Variants in DAPK1 observed in about 807,000 individuals in gnomAD.
DAPK1 encodes the protein death-associated protein kinase 1.
A neutral mutation model predicts 144.9 loss-of-function variants in DAPK1; 56 were observed. The observed-to-expected ratio is 0.39, with a 90% CI of 0.31 to 0.48. The LOEUF is 0.48. DAPK1 is among the 20% of genes least tolerant of loss of function. The pLI, the probability that DAPK1 is intolerant of heterozygous loss-of-function variation, is 0.95. For missense variants in DAPK1, 1,454 were observed against 1,875.4 expected, an observed-to-expected ratio of 0.78 and a Z score of 4.15; for synonymous variants, 690 against 749.0, an observed-to-expected ratio of 0.92 and a Z score of 1.29.
rs923107194 is a variant in DAPK1, at chr9:87,651,848, G to A, written c.1824+124G>A. On this transcript the variant is annotated intron_variant, in intron 17 of 25. Coordinates refer to ENST00000408954, the MANE Select transcript of DAPK1 (RefSeq NM_004938.4). ...ATTCTGTGTCCTCCCACCTGATCCC[G>A]GGTCCTGATTCTGTGTCCTCCCACC... The A allele has an allele frequency of 1.0e-3, 726 of 716,258 alleles. 4 individuals are homozygous for A. The African/African-American group carries it at 0.012, about 11-fold the overall frequency. The allele number at this position is 716,258 out of a possible 1,614,324, so 44.4% of individuals were successfully genotyped here.
In DAPK1 at chr9:87,706,702, C is replaced by T. The variant is rs779034884; in HGVS notation, c.3631C>T (p.Leu1211=). Residue 1211 remains leucine, a synonymous_variant, in exon 26 of 26, where the codon CTG becomes TTG. Coordinates refer to ENST00000408954, the MANE Select transcript of DAPK1 (RefSeq NM_004938.4). The surrounding 1 kb of genome is among the most constrained non-coding windows in gnomAD (Gnocchi z 9.0). ...LETEKIKCCL[L]LDSVCSTIEN... ...GACGGAGAAGATCAAGTGCTGCCTG[C>T]TGCTGGACTCGGTGTGCAGCACCAT... 1 of 1,611,972 alleles carries T rather than the reference C, an allele frequency of 6.2e-7. No individual in the cohort carries two copies. Among genetic ancestry groups the T allele is most frequent in the African/African-American group, 1.3e-5 (1 of 74,898 alleles).
chr9:87,611,351 A>G lies in DAPK1; in HGVS notation c.284+6176A>G, dbSNP rs529467021. Among the ~76,000 whole-genome samples, 17 of 152,186 alleles carry G rather than the reference A, an allele frequency of 1.1e-4. No individual in the cohort carries two copies. The East Asian group carries it at 1.9e-3, about 17-fold the overall frequency. On this transcript the variant is annotated intron_variant, in intron 3 of 25. Transcript: ENST00000408954. The stretch of plus-strand genomic sequence containing the variant: ...TTTTTCCTAGAGACGGGGTGTCCCT[A>G]TGTTACCCAGGCTGGCCTCAAGCTC...
At chr9:87,696,807 C>T (rs1825275434) in intron 21 of DAPK1, among the ~76,000 whole-genome samples, 200 bp from the exon 22 acceptor site, 1 of 152,180 alleles carries the variant, frequency 6.6e-6, no homozygotes, top group African/African-American at 2.4e-5. Flanking sequence ...TCACCTCCCA[C>T]ATCACCTCAC....
intron 3 of DAPK1, among the ~76,000 whole-genome samples, chr9:87,625,708 A>C (rs1345301238): frequency 6.6e-6 from 1 of 152,238 alleles, no homozygotes; most frequent in Non-Finnish European, 1.5e-5. Flanking sequence ...AGGGCCACAC[A>C]GCTGCTAAAT....
chr9:87,522,701 T>G (rs871495), intron 2 of DAPK1, among the ~76,000 whole-genome samples: 91,234 of 152,054 alleles, frequency 0.6, 27,773 homozygotes, highest in Middle Eastern at 0.71. Flanking sequence ...CATTCTTGTA[T>G]GTGTTACCAA....
chr9:87,627,939 G>A (rs1829544372), intron 3 of DAPK1, among the ~76,000 whole-genome samples: 1 of 152,186 alleles, frequency 6.6e-6, no homozygotes, highest in Admixed American at 6.5e-5. Context: ...TAGAAGCATA[G>A]GAACTAATAT....
At chr9:87,552,472 C>G (rs1217851640) in intron 2 of DAPK1, among the ~76,000 whole-genome samples, 1 of 152,104 alleles carries the variant, frequency 6.6e-6, no homozygotes, top group Admixed American at 6.5e-5. Flanking sequence ...GGCCCACACA[C>G]TAATTTTCTC....
chr9:87,640,552 C>A, intron 8 of DAPK1, 102 bp downstream of exon 8: 2 of 1,328,462 alleles, frequency 1.5e-6, no homozygotes, highest in Admixed American at 2.2e-5. Context: ...ACCCTGCTTG[C>A]TTCATCTGCC....
At chr9:87,511,776 T>C (rs1824856741) in intron 2 of DAPK1, among the ~76,000 whole-genome samples, 1 of 151,694 alleles carries the variant, frequency 6.6e-6, no homozygotes, top group African/African-American at 2.4e-5. Flanking sequence ...AGTGGCGCGA[T>C]CTCGGCTCAC....
intron 18 of DAPK1, among the ~76,000 whole-genome samples, chr9:87,659,956 CA>C (rs1301074201): frequency 6.6e-6 from 1 of 152,172 alleles, no homozygotes; most frequent in East Asian, 1.9e-4. Context: ...TCATAGCCGT[CA>C]ATTACAGTCA....
chr9:87,538,923 A>G (rs1257392395), intron 2 of DAPK1, among the ~76,000 whole-genome samples: 1 of 151,554 alleles, frequency 6.6e-6, no homozygotes, highest in African/African-American at 2.4e-5. Context: ...TTTGGATGCT[A>G]AGAGATCTGC....
At chr9:87,523,129 A>G (rs1825363471) in intron 2 of DAPK1, among the ~76,000 whole-genome samples, 1 of 152,192 alleles carries the variant, frequency 6.6e-6, no homozygotes, top group South Asian at 2.1e-4. Context: ...TTAAGTGCAC[A>G]TTCAGTGGCG....
In DAPK1 at chr9:87,541,364, A is replaced by G. The variant is rs186865766; in HGVS notation, c.62+42225A>G. Among the ~76,000 whole-genome samples, 336 of 152,242 alleles carry G rather than the reference A, an allele frequency of 2.2e-3. 1 individual carries two copies. Among genetic ancestry groups the G allele is most frequent in the Non-Finnish European group, 2.9e-3 (199 of 68,018 alleles). ...GGAGTTTGAGACCAGCCTCGCCAAC[A>G]TGATGAAACCCTGTCTCTACTGAAA... On this transcript the variant is annotated intron_variant, in intron 2 of 25. Transcript: ENST00000408954.
At chr9:87,629,668 C>T (rs1037067088) in intron 3 of DAPK1, among the ~76,000 whole-genome samples, 1 of 152,076 alleles carries the variant, frequency 6.6e-6, no homozygotes, top group Admixed American at 6.6e-5. Context: ...AACCACCATG[C>T]CTGGGCCTAA....
At chr9:87,506,014 C>A (rs1235894526) in intron 2 of DAPK1, among the ~76,000 whole-genome samples, 2 of 152,170 alleles carry the variant, frequency 1.3e-5, no homozygotes, top group African/African-American at 4.8e-5. Flanking sequence ...TGGAAGAAGG[C>A]TGAGTGACCA....
intron 17 of DAPK1, 37 bp downstream of exon 17, chr9:87,651,761 T>C: frequency 6.3e-7 from 1 of 1,584,992 alleles, no homozygotes; most frequent in Non-Finnish European, 8.6e-7. Flanking sequence ...AGCTTCCAAC[T>C]GTGTCCATCC....
intron 2 of DAPK1, among the ~76,000 whole-genome samples, chr9:87,564,276 G>C (rs1213339689): frequency 6.6e-6 from 1 of 152,156 alleles, no homozygotes; most frequent in Non-Finnish European, 1.5e-5. Flanking sequence ...ACAAGGCATA[G>C]AGAATAACTA....
intron 18 of DAPK1, among the ~76,000 whole-genome samples, chr9:87,662,564 T>G (rs78283390): frequency 2.6e-5 from 3 of 116,260 alleles, no homozygotes; most frequent in Non-Finnish European, 5.4e-5. Context: ...TTCCTAGTTT[T>G]TTTTTTTTTT....
chr9:87,689,694 CAG>C (rs1199393272), intron 21 of DAPK1, among the ~76,000 whole-genome samples: 1 of 151,960 alleles, frequency 6.6e-6, no homozygotes, highest in Non-Finnish European at 1.5e-5. Context: ...TGGTGAGAGA[CAG>C]GGGTCCAGTT....
Sources: gnomAD v4.1 joint callset for allele counts (sites outside exome capture counted in the v4.1 genomes callset) on GRCh38, gnomAD v4.1.1 for gene constraint, Gnocchi (gnomAD v3.1) non-coding constraint, MANE v1.5 for transcripts, NCBI Gene and HGNC (gene_info 2026-07-23, HGNC 2026-07-21) for gene names.